The following UBE3D variants were observed in gnomAD, a reference collection of about 807,000 sequenced individuals.
The protein encoded by UBE3D is ubiquitin protein ligase E3D, also known as E3 ubiquitin-protein ligase E3D.
In UBE3D, 48 loss-of-function variants were observed where a neutral mutation model predicts 49.6. The observed-to-expected ratio is 0.97, with a 90% confidence interval of 0.77 to 1.23. UBE3D has a LOEUF of 1.23. UBE3D is among the 50% of genes most tolerant of loss of function. The pLI is 0.00. For missense variants in UBE3D, 452 were observed against 468.4 expected (o/e 0.96, Z 0.32); for synonymous variants, 189 against 174.2 (o/e 1.08, Z -0.67).
At chr6:83,033,307 G>A (rs1233641072) in intron 5 of UBE3D, among the ~76,000 whole-genome samples, 1 of 152,092 alleles carries the variant, frequency 6.6e-6, no homozygotes, top group African/African-American at 2.4e-5. Flanking sequence ...CTCAAAAATT[G>A]GAGATTACAT....
intron 9 of UBE3D, among the ~76,000 whole-genome samples, chr6:82,951,815 C>A (rs959825496): frequency 2.0e-5 from 3 of 152,124 alleles, no homozygotes; most frequent in Non-Finnish European, 4.4e-5. Context: ...ACCAAAAGGA[C>A]GACCATCTAG....
At position 82,892,943 on chromosome 6, in the gene UBE3D, T is replaced by TA; in HGVS notation, c.*78_*79insT. ...GGTTCTTGTCTTTGTAATTGATGCCTCCTGAGCTGACTGCTGGCCTCGGTG... is the reference window on the plus strand; with the variant it reads ...GGTTCTTGTCTTTGTAATTGATGCCTACCTGAGCTGACTGCTGGCCTCGGTG... On this transcript the variant is annotated 3_prime_UTR_variant, in exon 10 of 10. Transcript: ENST00000369747. 2.0e-6 allele frequency: 3 copies of TA among 1,535,994 alleles called. No homozygotes were observed. Among genetic ancestry groups the TA allele is most frequent in the Non-Finnish European group, 1.8e-6 (2 of 1,110,026 alleles).
Position 83,046,167 on chromosome 6 carries a change from A to C in UBE3D, c.366-1508T>G, listed in dbSNP as rs74523614. On this transcript the variant is annotated intron_variant, in intron 3 of 9. Coordinates refer to ENST00000369747, the MANE Select transcript of UBE3D (RefSeq NM_198920.3). ...GCTAAGTTCCTCCTTCTAACAAAACACAAATACTAGTAAATTAATGTACAT... is the reference window on the plus strand; with the variant it reads ...GCTAAGTTCCTCCTTCTAACAAAACCCAAATACTAGTAAATTAATGTACAT... 4.6e-3 allele frequency among the ~76,000 whole-genome samples: 699 copies of C among 152,296 alleles called. 7 individuals are homozygous for C. Among genetic ancestry groups the C allele is most frequent in the African/African-American group, 0.016 (660 of 41,562 alleles).
chr6:83,017,951 T>C (rs987676703), intron 8 of UBE3D: 44 of 152,114 alleles, frequency 2.9e-4, no homozygotes, highest in African/African-American at 9.9e-4. Flanking sequence ...ATGGGCTTTT[T>C]TTAAGTGTAA....
chr6:82,896,617 T>C (rs1219373250), intron 9 of UBE3D, among the ~76,000 whole-genome samples: 1 of 152,190 alleles, frequency 6.6e-6, no homozygotes, highest in Non-Finnish European at 1.5e-5. Context: ...CAAATGTAAG[T>C]TTGGGATGCA....
At position 82,980,691 on chromosome 6, in the gene UBE3D, A is replaced by AT. The variant is rs530784163; in HGVS notation, c.1011-23242dup. Among the ~76,000 whole-genome samples, 199 of 152,058 alleles carry AT rather than the reference A, an allele frequency of 1.3e-3. 7 individuals carry two copies. In the South Asian group the frequency reaches 0.039, roughly 30 times the overall value. On this transcript the variant is annotated intron_variant, in intron 8 of 9. Coordinates refer to ENST00000369747, the MANE Select transcript of UBE3D (RefSeq NM_198920.3). The stretch of plus-strand genomic sequence containing the variant: ...ACTTTTTCCTAAGTTTTCTTCTCAT[A>AT]TTTTTATAGTTTTAGGTCTTACATT...
chr6:82,900,990 TTTATGA>T (rs1771689191), intron 9 of UBE3D, among the ~76,000 whole-genome samples: 1 of 152,162 alleles, frequency 6.6e-6, no homozygotes, highest in Admixed American at 6.6e-5. Flanking sequence ...AAATACGTGA[TTTATGA>T]TTATATGAAT....
chr6:82,903,161 T>C (rs1399692605), intron 9 of UBE3D, among the ~76,000 whole-genome samples: 1 of 152,166 alleles, frequency 6.6e-6, no homozygotes, highest in Non-Finnish European at 1.5e-5. Flanking sequence ...CGCATTCTTT[T>C]TTTTTTGTAG....
intron 9 of UBE3D, among the ~76,000 whole-genome samples, chr6:82,947,213 T>C (rs1382139641): frequency 6.6e-6 from 1 of 152,026 alleles, no homozygotes; most frequent in Non-Finnish European, 1.5e-5. Context: ...AGAAGGTCAT[T>C]ATATAATGAT....
At chr6:82,913,161 TCA>T (rs1265673469) in intron 9 of UBE3D, among the ~76,000 whole-genome samples, 5 of 152,200 alleles carry the variant, frequency 3.3e-5, no homozygotes, top group Non-Finnish European at 5.9e-5. Context: ...TCTCTAAGCC[TCA>T]GTTTCCTCAT....
intron 9 of UBE3D, among the ~76,000 whole-genome samples, chr6:82,948,699 TATG>T (rs1283765033): frequency 6.6e-6 from 1 of 151,992 alleles, no homozygotes; most frequent in Admixed American, 6.6e-5. Context: ...GGGATACAAG[TATG>T]ATTCAAAATA....
At chr6:82,999,174 C>T (rs1779445120) in intron 8 of UBE3D, among the ~76,000 whole-genome samples, 1 of 152,190 alleles carries the variant, frequency 6.6e-6, no homozygotes, top group Admixed American at 6.5e-5. Context: ...AGTATTTCAT[C>T]TTCTCAAAAC....
intron 5 of UBE3D, among the ~76,000 whole-genome samples, chr6:83,027,071 C>G (rs1476719235): frequency 2.0e-5 from 3 of 151,684 alleles, no homozygotes; most frequent in Non-Finnish European, 4.4e-5. Flanking sequence ...TTTTATCAAC[C>G]CTTATTGAAC....
chr6:82,966,888 TC>T (rs1335392067), intron 8 of UBE3D, among the ~76,000 whole-genome samples: 7 of 152,202 alleles, frequency 4.6e-5, no homozygotes, highest in Non-Finnish European at 1.5e-5. Flanking sequence ...CAACAGAAAC[TC>T]AAACATATTA....
chr6:82,952,319 A>T (rs1775861474), intron 9 of UBE3D, among the ~76,000 whole-genome samples: 1 of 152,216 alleles, frequency 6.6e-6, no homozygotes, highest in Admixed American at 6.5e-5. Context: ...AGGTATCATG[A>T]AAATGAAATG....
chr6:83,006,727 T>C lies in UBE3D; in HGVS notation c.1010+12246A>G, dbSNP rs778073399. 2.0e-5 allele frequency among the ~76,000 whole-genome samples: 3 copies of C among 152,136 alleles called. No individual in the cohort carries two copies. In the East Asian group the frequency reaches 5.8e-4, roughly 29 times the overall value. On this transcript the variant is annotated intron_variant, in intron 8 of 9. Transcript: ENST00000369747. ...TATAATATAGTCAAATTCATAGAAG[T>C]AGTAAGTAGAATGGTGGTTACCAGA...
downstream of UBE3D, among the ~76,000 whole-genome samples, chr6:82,889,718 C>A (rs1770947230): frequency 6.6e-6 from 1 of 152,018 alleles, no homozygotes; most frequent in African/African-American, 2.4e-5. Flanking sequence ...CATAGTACTT[C>A]TATTTTTGTC....
At chr6:82,963,506 A>G (rs1159494344) in intron 8 of UBE3D, among the ~76,000 whole-genome samples, 2 of 152,230 alleles carry the variant, frequency 1.3e-5, no homozygotes, top group African/African-American at 4.8e-5. Flanking sequence ...CTGAGGAGCA[A>G]GGAAACCAGC....
chr6:82,981,998 G>A (rs906162293), intron 8 of UBE3D, among the ~76,000 whole-genome samples: 2 of 152,030 alleles, frequency 1.3e-5, no homozygotes, highest in African/African-American at 4.8e-5. Context: ...TAAGCAAATA[G>A]GCAGAGACCT....
Sources: allele counts gnomAD v4.1 joint callset (sites outside exome capture counted in the v4.1 genomes callset), GRCh38; gene constraint gnomAD v4.1.1; transcripts MANE v1.5; gene names NCBI Gene and HGNC (gene_info 2026-07-23, HGNC 2026-07-21).